ADGRL2: variants seen among roughly 807,000 people sequenced by gnomAD.
The protein encoded by ADGRL2 is calcium-independent alpha-latrotoxin receptor 2.
ADGRL2 carries 44 observed loss-of-function variants against 157.4 expected under a neutral mutation model. The ratio of observed to expected loss-of-function variants is 0.28; its 90% CI spans 0.22 to 0.36. The LOEUF (loss-of-function observed/expected upper bound fraction) is 0.36. Among genes scored for constraint, ADGRL2 ranks in the 10% least tolerant of loss-of-function variants. The probability of loss-of-function intolerance (pLI) is 1.00; values close to 1 mark genes in which losing one functional copy is unlikely to be tolerated. For synonymous variants in ADGRL2, 585 were observed against 624.7 expected, an observed-to-expected ratio of 0.94 and a Z score of 0.95; for missense variants, 1,510 against 1,768.9, an observed-to-expected ratio of 0.85 and a Z score of 2.63.
chr1:81,881,937 G>A (rs931687363), intron 2 of ADGRL2, among the ~76,000 whole-genome samples: 3 of 151,808 alleles, frequency 2.0e-5, no homozygotes, highest in Admixed American at 6.6e-5. Flanking sequence ...TCCTTTCACT[G>A]AGTGTGAAAA....
chr1:81,958,085 G>T (rs1349430431), intron 11 of ADGRL2, among the ~76,000 whole-genome samples: 1 of 151,856 alleles, frequency 6.6e-6, no homozygotes, highest in Admixed American at 6.6e-5. Context: ...GCCAAACCCA[G>T]TCTCTACTAA....
chr1:81,683,043 G>C (rs778979153), intron 3 of ADGRL2, among the ~76,000 whole-genome samples: 3 of 152,226 alleles, frequency 2.0e-5, no homozygotes, highest in Non-Finnish European at 4.4e-5. Context: ...TGAGGTAGGA[G>C]AATCGTCTGA....
intron 2 of ADGRL2, among the ~76,000 whole-genome samples, chr1:81,792,363 T>C (rs1046028060): frequency 2.0e-5 from 3 of 152,186 alleles, no homozygotes; most frequent in Admixed American, 1.3e-4. Context: ...CAAGTCACAC[T>C]GGTGATGTCA....
intron 3 of ADGRL2, among the ~76,000 whole-genome samples, chr1:81,662,272 T>G (rs2082667637): frequency 7.1e-6 from 1 of 141,108 alleles, no homozygotes; most frequent in Non-Finnish European, 1.5e-5. Flanking sequence ...TTTTTTTTTC[T>G]TGAGACAGAG....
At chr1:81,694,694 C>G (rs2083408296) in intron 3 of ADGRL2, among the ~76,000 whole-genome samples, 1 of 152,102 alleles carries the variant, frequency 6.6e-6, no homozygotes, top group African/African-American at 2.4e-5. Context: ...AATTGCCCTT[C>G]TGTAACTAAC....
chr1:81,876,255 A>T (rs932854734), intron 2 of ADGRL2, among the ~76,000 whole-genome samples: 1 of 152,170 alleles, frequency 6.6e-6, no homozygotes, highest in African/African-American at 2.4e-5. Context: ...TGTGTTTCTG[A>T]AATATTTTTT....
intron 10 of ADGRL2, among the ~76,000 whole-genome samples, chr1:81,954,551 A>G (rs1024276841): frequency 3.9e-5 from 6 of 152,158 alleles, no homozygotes; most frequent in Non-Finnish European, 7.4e-5. Flanking sequence ...GATTAGAGAG[A>G]GGCTCCAGTC....
chr1:81,705,539 G>A (rs1020230901), intron 1 of ADGRL2, among the ~76,000 whole-genome samples: 10 of 151,894 alleles, frequency 6.6e-5, no homozygotes, highest in Admixed American at 4.6e-4. Flanking sequence ...TGAGCCATGC[G>A]CCCGGCTGGG....
At chr1:81,677,704 A>G (rs1481412286) in intron 3 of ADGRL2, among the ~76,000 whole-genome samples, 1 of 152,188 alleles carries the variant, frequency 6.6e-6, no homozygotes, top group Non-Finnish European at 1.5e-5. Flanking sequence ...GACTAAAATA[A>G]TGACCGTGTA....
chr1:81,876,758 TAACTC>T (rs2093851581), intron 2 of ADGRL2, among the ~76,000 whole-genome samples: 1 of 152,174 alleles, frequency 6.6e-6, no homozygotes. Context: ...AGAATCCAGA[TAACTC>T]AAATCCTCAG....
At chr1:81,948,886 TAAC>T (rs1650835190) in intron 6 of ADGRL2, among the ~76,000 whole-genome samples, 1 of 152,204 alleles carries the variant, frequency 6.6e-6, no homozygotes. Flanking sequence ...AAGAAGTATG[TAAC>T]TACTAAAGAA....
intron 2 of ADGRL2, among the ~76,000 whole-genome samples, chr1:81,855,750 T>C (rs956023607): frequency 6.6e-6 from 1 of 152,136 alleles, no homozygotes; most frequent in African/African-American, 2.4e-5. Context: ...AATATACCTG[T>C]GAGCTGAATT....
chr1:81,951,517 CT>C (rs1398793613), intron 8 of ADGRL2, among the ~76,000 whole-genome samples: 1 of 152,072 alleles, frequency 6.6e-6, no homozygotes, highest in Non-Finnish European at 1.5e-5. Context: ...GCATTAGTAA[CT>C]TTAATATTGC....
intron 3 of ADGRL2, among the ~76,000 whole-genome samples, chr1:81,920,387 G>A (rs1222894092): frequency 6.6e-6 from 1 of 152,120 alleles, no homozygotes; most frequent in Non-Finnish European, 1.5e-5. Flanking sequence ...GTTGTAGTGT[G>A]CCTCCCACGT....
intron 1 of ADGRL2, among the ~76,000 whole-genome samples, chr1:81,752,228 G>C (rs1353623326): frequency 6.6e-6 from 1 of 152,182 alleles, no homozygotes; most frequent in Non-Finnish European, 1.5e-5. Context: ...AGTCCAAGCG[G>C]AAGGGCCCTT....
chr1:81,947,356 TC>T (rs1650235689), intron 6 of ADGRL2, among the ~76,000 whole-genome samples: 1 of 152,208 alleles, frequency 6.6e-6, no homozygotes, highest in Admixed American at 6.5e-5. Context: ...AGTTAAATGT[TC>T]CCAGATAACT....
chr1:81,608,794 C>T (rs958361260), intron 3 of ADGRL2, among the ~76,000 whole-genome samples: 13 of 152,148 alleles, frequency 8.5e-5, no homozygotes, highest in Non-Finnish European at 1.6e-4. Flanking sequence ...TTCTTCTCCC[C>T]AATATTACTT....
In ADGRL2 at chr1:81,987,582, G is replaced by A. The variant is rs527540236; in HGVS notation, c.3638-287G>A. Among the ~76,000 whole-genome samples the A allele has an allele frequency of 9.8e-4, 149 of 151,738 alleles. 1 individual carries two copies. In the Middle Eastern group the frequency reaches 0.01, roughly 10 times the overall value. On this transcript the variant is annotated intron_variant, in intron 22 of 23. Transcript: ENST00000686636. ...CTTATACCTATAGTTTTTAATTGGG[G>A]GAGGGGGAAAGATTGTCACTAACCC...
chr1:81,777,615 T>C (rs12073173), intron 2 of ADGRL2, among the ~76,000 whole-genome samples: 30,412 of 151,784 alleles, frequency 0.2, 3,326 homozygotes, highest in African/African-American at 0.29. Context: ...TACAAAAAAT[T>C]AGCCCGGTGT....
Sources: allele counts gnomAD v4.1 joint callset (sites outside exome capture counted in the v4.1 genomes callset), GRCh38; gene constraint gnomAD v4.1.1; transcripts MANE v1.5; gene names NCBI Gene and HGNC (gene_info 2026-07-23, HGNC 2026-07-21).